Variants in HERC6 observed in about 807,000 individuals in gnomAD.
HERC6 encodes the protein HECT and RLD domain containing E3 ubiquitin protein ligase family member 6.
Under a neutral mutation model 114.5 loss-of-function variants are expected in HERC6, and 101 were observed. That is an observed-to-expected ratio of 0.88 (90% CI 0.75 to 1.04). The LOEUF is 1.04. HERC6 is among the 50% of genes least tolerant of loss of function. The pLI, the probability that HERC6 is intolerant of heterozygous loss-of-function variation, is 0.00. For missense variants in HERC6, 1,133 were observed against 1,230.9 expected (o/e 0.92, Z 1.19); for synonymous variants, 408 against 436.2 (o/e 0.94, Z 0.81).
At chr4:88,395,869 A>T in intron 5 of HERC6, 146 bp from the exon 6 acceptor site, 1 of 595,306 alleles carries the variant, frequency 1.7e-6, no homozygotes, top group East Asian at 3.4e-5. Context: ...ATACACTATT[A>T]GAAAAAATAA....
At chr4:88,390,622 A>G in intron 3 of HERC6, 30 bp from the exon 4 acceptor site, 2 of 1,555,758 alleles carry the variant, frequency 1.3e-6, no homozygotes, top group East Asian at 2.3e-5. Flanking sequence ...TAATATGTGT[A>G]CAATTCTTAA....
chr4:88,402,967 G>T (rs1735621360), intron 8 of HERC6, among the ~76,000 whole-genome samples: 2 of 152,136 alleles, frequency 1.3e-5, no homozygotes, highest in Admixed American at 1.3e-4. Flanking sequence ...TCTTCAAGAG[G>T]TCTTTTATTT....
At chr4:88,428,362 A>G (rs1443891210) in intron 15 of HERC6, among the ~76,000 whole-genome samples, 2 of 152,192 alleles carry the variant, frequency 1.3e-5, no homozygotes, top group African/African-American at 2.4e-5. Flanking sequence ...TCCTGTACAC[A>G]ATTCCTAGGT....
chr4:88,392,047 C>T (rs1480569350), intron 4 of HERC6, among the ~76,000 whole-genome samples: 1 of 60,016 alleles, frequency 1.7e-5, no homozygotes, highest in African/African-American at 6.7e-5. Context: ...TCCCTCCCTC[C>T]CCTCCCCCTT....
intron 13 of HERC6, 82 bp downstream of exon 13, chr4:88,417,661 A>G: frequency 8.4e-7 from 1 of 1,194,072 alleles, no homozygotes; most frequent in Non-Finnish European, 1.1e-6. Flanking sequence ...ACTTCTAAGA[A>G]GTCAAATAAA....
chr4:88,396,012 C>T lies in HERC6; in HGVS notation c.760-3C>T. On this transcript the variant is annotated splice_polypyrimidine_tract_variant and splice_region_variant and intron_variant, in intron 5 of 22. Coordinates refer to ENST00000264346, the MANE Select transcript of HERC6 (RefSeq NM_017912.4). ...TTAATTTGATTCTTCCTTTGCTAAG[C>T]AGGACGGGAAAGTGTTCACATTTGG... 1 of 1,577,852 alleles carries T rather than the reference C, an allele frequency of 6.3e-7. No homozygotes were observed.
chr4:88,417,655 C>T (rs1736621570), intron 13 of HERC6, 76 bp downstream of exon 13: 2 of 1,231,048 alleles, frequency 1.6e-6, no homozygotes. Flanking sequence ...AGTTGGACTT[C>T]TAAGAAGTCA....
chr4:88,437,628 T>C (rs902319225), intron 19 of HERC6, 83 bp from the exon 20 acceptor site: 2 of 831,916 alleles, frequency 2.4e-6, no homozygotes, highest in Non-Finnish European at 3.9e-6. Context: ...TAGGGGAAAA[T>C]GTATTGGCAA....
intron 12 of HERC6, 33 bp from the exon 13 acceptor site, chr4:88,417,392 A>C: frequency 1.3e-6 from 2 of 1,591,620 alleles, no homozygotes; most frequent in Non-Finnish European, 1.7e-6. Context: ...GGTAGGAAAA[A>C]CATATTTATC....
intron 12 of HERC6, among the ~76,000 whole-genome samples, chr4:88,413,823 G>A (rs1014717046): frequency 1.3e-5 from 2 of 152,088 alleles, no homozygotes; most frequent in Non-Finnish European, 2.9e-5. Flanking sequence ...ATTCTTTTGA[G>A]GAGTAGTAAA....
At chr4:88,397,350 G>A (rs1735296901) in intron 7 of HERC6, among the ~76,000 whole-genome samples, 1 of 151,880 alleles carries the variant, frequency 6.6e-6, no homozygotes, top group African/African-American at 2.4e-5. Context: ...GACCTCAGGG[G>A]ATCCACCAGC....
At chr4:88,416,733 T>A (rs1483835243) in intron 12 of HERC6, among the ~76,000 whole-genome samples, 1 of 152,142 alleles carries the variant, frequency 6.6e-6, no homozygotes, top group Non-Finnish European at 1.5e-5. Flanking sequence ...CCCACTAATA[T>A]GCAATGCCGC....
chr4:88,442,199 A>G (rs1311144286), intron 22 of HERC6, 35 bp from the exon 23 acceptor site: 2 of 1,448,202 alleles, frequency 1.4e-6, no homozygotes, highest in African/African-American at 1.4e-5. Flanking sequence ...TACTCTTTCT[A>G]TGAAATATCT....
chr4:88,394,234 G>A (rs1735083312), intron 5 of HERC6, among the ~76,000 whole-genome samples: 2 of 151,994 alleles, frequency 1.3e-5, no homozygotes, highest in African/African-American at 4.8e-5. Context: ...CAGCACTTTG[G>A]GAGGCCAAGG....
In HERC6 at chr4:88,435,799, T is replaced by C. The variant is rs899794698; in HGVS notation, c.2325T>C (p.Ala775=). The C allele has an allele frequency of 3.7e-6, 6 of 1,612,024 alleles. No individual in the cohort carries two copies. Among genetic ancestry groups the C allele is most frequent in the Non-Finnish European group, 5.1e-6 (6 of 1,178,912 alleles). The change falls in exon 18 of 23, where the codon GCT becomes GCC. Residue 775 remains alanine, a synonymous_variant. Coordinates refer to ENST00000264346, the MANE Select transcript of HERC6 (RefSeq NM_017912.4). The part of the protein sequence containing the change: ...CGLSLFNLNV[A]NLPFPLALYK... ...TCTCCTTATTCAATTTAAATGTTGC[T>C]AACCTTCCTTTCCCACTGGCTCTGT... is the stretch of plus-strand genomic sequence containing the variant.
intron 20 of HERC6, among the ~76,000 whole-genome samples, chr4:88,439,004 G>A (rs1739044682): frequency 6.6e-6 from 1 of 152,240 alleles, no homozygotes; most frequent in Admixed American, 6.5e-5. Context: ...ACATCCTGTA[G>A]TATAAGACAG....
At chr4:88,407,650 A>G (rs1383331825) in intron 10 of HERC6, among the ~76,000 whole-genome samples, 2 of 151,944 alleles carry the variant, frequency 1.3e-5, no homozygotes, top group Admixed American at 1.3e-4. Flanking sequence ...GCTTCAAGCA[A>G]TGCTCCCACT....
intron 2 of HERC6, among the ~76,000 whole-genome samples, chr4:88,383,757 C>T (rs1364504155): frequency 1.3e-5 from 1 of 79,952 alleles, no homozygotes; most frequent in African/African-American, 5.1e-5. Context: ...GAGGGAGACT[C>T]AGTCTCAAAA....
chr4:88,417,587 T>G lies in HERC6; in HGVS notation c.1713+8T>G. The G allele has an allele frequency of 1.9e-6, 3 of 1,609,512 alleles. No individual in the cohort carries two copies. Among genetic ancestry groups the G allele is most frequent in the Non-Finnish European group, 2.5e-6 (3 of 1,177,508 alleles). ...ATGAAAGAACTGCATAAGGTAAGGG[T>G]TACTCTAAAGGAATGCATGTACTAT... On this transcript the variant is annotated splice_region_variant and intron_variant, in intron 13 of 22. Transcript: ENST00000264346.
Sources: gnomAD v4.1 joint callset for allele counts (sites outside exome capture counted in the v4.1 genomes callset) on GRCh38, gnomAD v4.1.1 for gene constraint, MANE v1.5 for transcripts, NCBI Gene and HGNC (gene_info 2026-07-23, HGNC 2026-07-21) for gene names.